URGCP: variants seen among roughly 807,000 people sequenced by gnomAD.
URGCP encodes upregulator of cell proliferation.
A neutral mutation model predicts 24.6 loss-of-function variants in URGCP; 13 were observed. The ratio of observed to expected loss-of-function variants is 0.53; its 90% CI spans 0.34 to 0.84. URGCP has a LOEUF of 0.84. Ranked by LOEUF, URGCP falls within the 40% of genes least tolerant of loss-of-function variation. URGCP has a pLI of 0.01. For synonymous variants in URGCP, 444 were observed against 487.2 expected (o/e 0.91, Z 1.17); for missense variants, 899 against 1,194.3 (o/e 0.75, Z 3.64).
chr7:43,919,760 C>A, intron 1 of URGCP: 1 of 1,361,334 alleles, frequency 7.3e-7, no homozygotes, highest in Non-Finnish European at 1.1e-6. Flanking sequence ...TGGGCCCCAC[C>A]AGCATCCAGG....
At chr7:43,897,454 A>G (rs1156467592) in intron 1 of URGCP, among the ~76,000 whole-genome samples, 1 of 152,190 alleles carries the variant, frequency 6.6e-6, no homozygotes, top group Non-Finnish European at 1.5e-5. Context: ...GTACCCAGGG[A>G]CCAACAGGGA....
At chr7:43,918,646 C>G (rs895154150) in intron 1 of URGCP, 4 of 597,892 alleles carry the variant, frequency 6.7e-6, no homozygotes, top group South Asian at 2.0e-5. Context: ...GGGGCTGGCA[C>G]GCGGCAGCGT....
rs983817937 is a variant in URGCP, at chr7:43,906,559, C to T, written c.14+3G>A. On this transcript the variant is annotated splice_donor_region_variant and intron_variant, in intron 1 of 5. Coordinates refer to ENST00000453200, the MANE Select transcript of URGCP (RefSeq NM_001077663.3). ...GGCGCAGGGCCTGCGAGGCGGCACT[C>T]ACCCGGGCGACGCCATGAGCGCAGC... is the stretch of plus-strand genomic sequence containing the variant. 6 of 1,242,590 alleles carry T rather than the reference C, an allele frequency of 4.8e-6. No homozygotes were observed. In the Admixed American group the frequency reaches 1.8e-4, roughly 36 times the overall value. The allele number at this position is 1,242,590 out of a possible 1,614,324, so 77.0% of individuals were successfully genotyped here.
upstream of URGCP, among the ~76,000 whole-genome samples, chr7:43,908,238 T>C (rs2095906342): frequency 6.6e-6 from 1 of 152,088 alleles, no homozygotes; most frequent in Non-Finnish European, 1.5e-5. Context: ...CTACCACACC[T>C]GGCTAATTCT....
rs113564285 is a variant in URGCP at position 43,916,715 on chromosome 7, C to A, written c.-116+9417G>T. On this transcript the variant is annotated intron_variant, in intron 1 of 5. Transcript: ENST00000426198. ...AGATAATCCCACTCCCTACCCACCC[C>A]CCCCCCCCACATAACATGGGTGAAA... is the stretch of plus-strand genomic sequence containing the variant. Among the ~76,000 whole-genome samples the A allele has an allele frequency of 1.0e-4, 2 of 19,480 alleles. 1 individual carries two copies. Among genetic ancestry groups the A allele is most frequent in the Non-Finnish European group, 2.0e-4 (2 of 10,246 alleles). 12.8% of individuals were successfully genotyped at this position (19,480 alleles called of 152,430 possible).
At chr7:43,900,469 C>CAAAAAAAA (rs759728715) in intron 1 of URGCP, among the ~76,000 whole-genome samples, 1 of 114,492 alleles carries the variant, frequency 8.7e-6, no homozygotes, top group African/African-American at 3.4e-5. Context: ...AAAACCAAAA[C>CAAAAAAAA]AAAAAAAAAA....
At chr7:43,909,480 A>G (rs1200759404), upstream of URGCP, among the ~76,000 whole-genome samples, 7 of 152,120 alleles carry the variant, frequency 4.6e-5, no homozygotes, top group Admixed American at 1.3e-4. Context: ...TAATCCCAGC[A>G]CTTTGGGAGG....
upstream of URGCP, among the ~76,000 whole-genome samples, chr7:43,911,352 G>A (rs1390988648): frequency 6.6e-6 from 1 of 151,812 alleles, no homozygotes; most frequent in Non-Finnish European, 1.5e-5. Context: ...AGAGAGCTGA[G>A]ATCATGCCAC....
chr7:43,924,064 C>G (rs1215282419), intron 1 of URGCP, among the ~76,000 whole-genome samples: 1 of 151,404 alleles, frequency 6.6e-6, no homozygotes, highest in Non-Finnish European at 1.5e-5. Flanking sequence ...GAGATGGGGT[C>G]TCACCATGTT....
intron 1 of URGCP, among the ~76,000 whole-genome samples, chr7:43,915,541 T>C (rs1184477069): frequency 2.6e-5 from 4 of 152,190 alleles, no homozygotes; most frequent in African/African-American, 9.6e-5. Context: ...GATGCATGCA[T>C]GGGACGGACA....
chr7:43,900,039 G>T (rs544794544), intron 1 of URGCP, among the ~76,000 whole-genome samples: 3 of 152,268 alleles, frequency 2.0e-5, no homozygotes, highest in African/African-American at 7.2e-5. Flanking sequence ...CAGCTACTCA[G>T]GAGGCTGAGG....
At chr7:43,919,385 C>A (rs1189083027) in intron 1 of URGCP, 9 of 861,466 alleles carry the variant, frequency 1.0e-5, no homozygotes, top group Non-Finnish European at 1.6e-5. Flanking sequence ...CTCAGACCAA[C>A]CAGCTGGTGT....
At chr7:43,898,761 A>C (rs1385165288) in intron 1 of URGCP, among the ~76,000 whole-genome samples, 1 of 136,728 alleles carries the variant, frequency 7.3e-6, no homozygotes, top group Non-Finnish European at 1.6e-5. Context: ...AAATAAATAA[A>C]TAAATAAATA....
chr7:43,908,650 C>T (rs1036724684), upstream of URGCP, among the ~76,000 whole-genome samples: 1 of 152,158 alleles, frequency 6.6e-6, no homozygotes, highest in Admixed American at 6.6e-5. Flanking sequence ...CATAGGATAG[C>T]GTACAAGTTA....
At chr7:43,901,152 G>A (rs976896830) in intron 1 of URGCP, among the ~76,000 whole-genome samples, 2 of 152,202 alleles carry the variant, frequency 1.3e-5, no homozygotes, top group African/African-American at 4.8e-5. Flanking sequence ...TTAGAATAGG[G>A]CCTGACAGCA....
At chr7:43,920,913 A>G (rs2095921652) in intron 1 of URGCP, among the ~76,000 whole-genome samples, 1 of 152,172 alleles carries the variant, frequency 6.6e-6, no homozygotes, top group South Asian at 2.1e-4. Context: ...CTGCTCTTAA[A>G]GGGCCCCACT....
At chr7:43,906,696 A>T, upstream of URGCP, 1 of 731,144 alleles carries the variant, frequency 1.4e-6, no homozygotes, top group Non-Finnish European at 1.5e-6. Context: ...CCAGGGGTGG[A>T]GGTGGGGTGA....
At chr7:43,880,802 G>C (rs1030168516) in intron 5 of URGCP, among the ~76,000 whole-genome samples, 1 of 152,156 alleles carries the variant, frequency 6.6e-6, no homozygotes, top group Non-Finnish European at 1.5e-5. Flanking sequence ...TTCCTTTCTC[G>C]AGAGAGGAAG....
At chr7:43,922,690 C>T (rs1480244493) in intron 1 of URGCP, among the ~76,000 whole-genome samples, 1 of 152,178 alleles carries the variant, frequency 6.6e-6, no homozygotes, top group Non-Finnish European at 1.5e-5. Flanking sequence ...CAGGCATGCG[C>T]CACCATGCTC....
Sources: allele counts gnomAD v4.1 joint callset (sites outside exome capture counted in the v4.1 genomes callset), GRCh38; gene constraint gnomAD v4.1.1; transcripts MANE v1.5; gene names NCBI Gene and HGNC (gene_info 2026-07-23, HGNC 2026-07-21).